TMEM154: variants seen among roughly 807,000 people sequenced by gnomAD.
TMEM154 encodes transmembrane protein 154.
In TMEM154, 27 loss-of-function variants were observed where a neutral mutation model predicts 24.5. The ratio of observed to expected loss-of-function variants is 1.10; its 90% CI spans 0.81 to 1.52. The LOEUF (loss-of-function observed/expected upper bound fraction) is 1.52. Among genes scored for constraint, TMEM154 ranks in the 40% most tolerant of loss-of-function variants. TMEM154 has a pLI of 0.00. For missense variants in TMEM154, 228 were observed against 213.4 expected, an observed-to-expected ratio of 1.07 and a Z score of -0.43; for synonymous variants, 67 against 76.8, an observed-to-expected ratio of 0.87 and a Z score of 0.67.
intron 1 of TMEM154, among the ~76,000 whole-genome samples, chr4:152,674,335 A>G (rs1728910213): frequency 6.6e-6 from 1 of 152,160 alleles, no homozygotes; most frequent in African/African-American, 2.4e-5. Context: ...AAAGTCACTG[A>G]AATGACTTTG....
chr4:152,679,411 A>G (rs1433687363), intron 1 of TMEM154, among the ~76,000 whole-genome samples: 2 of 149,064 alleles, frequency 1.3e-5, no homozygotes, highest in Non-Finnish European at 1.5e-5. Flanking sequence ...TTTCTTTAGT[A>G]TGCTTTCTAG....
At chr4:152,662,497 G>A (rs1353464202) in intron 1 of TMEM154, among the ~76,000 whole-genome samples, 1 of 152,176 alleles carries the variant, frequency 6.6e-6, no homozygotes, top group Non-Finnish European at 1.5e-5. Context: ...TTGCCAAGGT[G>A]ACAAGGTAAG....
At chr4:152,635,014 T>C (rs191888267) in intron 6 of TMEM154, among the ~76,000 whole-genome samples, 54 of 152,288 alleles carry the variant, frequency 3.5e-4, no homozygotes, top group African/African-American at 1.2e-3. Context: ...TCAAGAAGGA[T>C]CTATATACGT....
In TMEM154 at chr4:152,622,845, T is replaced by C. The variant is rs1751863624; in HGVS notation, c.*5701A>G. 6.6e-6 allele frequency: 1 copy of C among 152,226 alleles called. No homozygotes were observed. Among genetic ancestry groups the C allele is most frequent in the Non-Finnish European group, 1.5e-5 (1 of 68,030 alleles). The allele number at this position is 152,226 out of a possible 1,614,324, so 9.4% of individuals were successfully genotyped here. ...CCGTAGCAATGGGACCATTTCTTTT[T>C]CTTTTCTTTGAGACAGAATCTTGCT... On this transcript the variant is annotated 3_prime_UTR_variant, in exon 7 of 7. Transcript: ENST00000304385.
chr4:152,679,957 C>T lies in TMEM154; in HGVS notation c.-24G>A. The T allele has an allele frequency of 6.3e-7, 1 of 1,590,464 alleles. No homozygotes were observed. The highest frequency in any genetic ancestry group is 8.6e-7 in the Non-Finnish European group (1 of 1,165,368). On this transcript the variant is annotated 5_prime_UTR_variant, in exon 1 of 7. Coordinates refer to ENST00000304385, the MANE Select transcript of TMEM154 (RefSeq NM_152680.3). ...ATGTCCGCTCGCCTCGGCAGAGGCG[C>T]GCTCAGGATGCTGCGCCGGGCTGCA...
chr4:152,632,878 A>C (rs1445185924), intron 6 of TMEM154, among the ~76,000 whole-genome samples: 1 of 152,192 alleles, frequency 6.6e-6, no homozygotes, highest in East Asian at 1.9e-4. Flanking sequence ...TCACCTGCAA[A>C]ACATACATAA....
chr4:152,645,817 T>C (rs942741931), intron 3 of TMEM154, among the ~76,000 whole-genome samples: 3 of 152,084 alleles, frequency 2.0e-5, no homozygotes, highest in African/African-American at 7.2e-5. Context: ...GTAAGTTTCA[T>C]GCCATCACCG....
intron 1 of TMEM154, among the ~76,000 whole-genome samples, chr4:152,658,565 T>C (rs1312120247): frequency 1.3e-5 from 2 of 152,130 alleles, no homozygotes; most frequent in East Asian, 1.9e-4. Flanking sequence ...CTCAGCATTT[T>C]TGGAGGTCAA....
intron 1 of TMEM154, among the ~76,000 whole-genome samples, chr4:152,668,227 A>G (rs972164296): frequency 6.6e-6 from 1 of 152,250 alleles, no homozygotes; most frequent in Admixed American, 6.5e-5. Context: ...GAACACAAAT[A>G]TATTTTAAAA....
At chr4:152,674,842 C>T (rs1268402479) in intron 1 of TMEM154, among the ~76,000 whole-genome samples, 1 of 152,026 alleles carries the variant, frequency 6.6e-6, no homozygotes, top group Non-Finnish European at 1.5e-5. Context: ...GCTCTCAGGG[C>T]CCCCACGATT....
chr4:152,678,323 CA>C (rs1728987803), intron 1 of TMEM154, among the ~76,000 whole-genome samples: 2 of 151,870 alleles, frequency 1.3e-5, no homozygotes, highest in Admixed American at 6.6e-5. Context: ...TCCTGAATTG[CA>C]GACACTAGGA....
intron 6 of TMEM154, among the ~76,000 whole-genome samples, chr4:152,630,367 G>A (rs1234716237): frequency 1.3e-5 from 2 of 150,092 alleles, no homozygotes; most frequent in Admixed American, 1.3e-4. Context: ...ATGAAAGCCT[G>A]GTTGAAAACT....
chr4:152,670,521 G>T (rs1362081518), intron 1 of TMEM154, among the ~76,000 whole-genome samples: 2 of 152,100 alleles, frequency 1.3e-5, no homozygotes, highest in South Asian at 4.1e-4. Flanking sequence ...GCTTGAACCC[G>T]GGAGCCGGAG....
At chr4:152,648,603 G>T (rs922032569) in intron 3 of TMEM154, among the ~76,000 whole-genome samples, 1 of 152,232 alleles carries the variant, frequency 6.6e-6, no homozygotes, top group Non-Finnish European at 1.5e-5. Context: ...AGGCATGGAG[G>T]CATCCTGAAA....
intron 1 of TMEM154, among the ~76,000 whole-genome samples, chr4:152,674,210 C>T (rs767204889): frequency 3.3e-5 from 5 of 152,022 alleles, no homozygotes; most frequent in Non-Finnish European, 7.4e-5. Context: ...CGCATTTCCT[C>T]AACAAAGGTG....
intron 6 of TMEM154, among the ~76,000 whole-genome samples, chr4:152,639,461 A>C (rs965145578): frequency 3.3e-5 from 5 of 152,232 alleles, no homozygotes; most frequent in African/African-American, 1.2e-4. Context: ...GCCCTATACC[A>C]GACATATATA....
intron 1 of TMEM154, among the ~76,000 whole-genome samples, chr4:152,667,750 T>C (rs948003372): frequency 5.9e-5 from 9 of 152,270 alleles, no homozygotes; most frequent in African/African-American, 1.9e-4. Context: ...TTGTACACTT[T>C]TTCTCTTCAG....
At chr4:152,656,166 T>A (rs1199241301) in intron 1 of TMEM154, among the ~76,000 whole-genome samples, 2 of 152,130 alleles carry the variant, frequency 1.3e-5, no homozygotes, top group African/African-American at 2.4e-5. Context: ...AACACTAGCA[T>A]GGGTACTTGG....
At chr4:152,656,621 CT>C (rs1344255787) in intron 1 of TMEM154, among the ~76,000 whole-genome samples, 1 of 152,112 alleles carries the variant, frequency 6.6e-6, no homozygotes, top group Non-Finnish European at 1.5e-5. Context: ...TTTTCCTCCC[CT>C]ATGAAAGTAA....
Sources: allele counts gnomAD v4.1 joint callset (sites outside exome capture counted in the v4.1 genomes callset), GRCh38; gene constraint gnomAD v4.1.1; transcripts MANE v1.5; gene names NCBI Gene and HGNC (gene_info 2026-07-23, HGNC 2026-07-21).